The following CACNG2 variants were observed in gnomAD, a reference collection of about 807,000 sequenced individuals.
CACNG2 encodes voltage-dependent calcium channel gamma-2 subunit.
Under a neutral mutation model 25.9 loss-of-function variants are expected in CACNG2, and 3 were observed. The ratio of observed to expected loss-of-function variants is 0.12; its 90% CI spans 0.05 to 0.30. The LOEUF (loss-of-function observed/expected upper bound fraction) is 0.30. CACNG2 is among the 10% of genes least tolerant of loss of function. The pLI is 1.00. For synonymous variants in CACNG2, 167 were observed against 173.3 expected, an observed-to-expected ratio of 0.96 and a Z score of 0.29; for missense variants, 341 against 432.5, an observed-to-expected ratio of 0.79 and a Z score of 1.88.
intron 1 of CACNG2, among the ~76,000 whole-genome samples, chr22:36,628,471 T>C (rs1444482242): frequency 2.0e-5 from 3 of 152,248 alleles, no homozygotes; most frequent in Non-Finnish European, 4.4e-5. Context: ...GGAAAGTTTC[T>C]CTCCGTAGGA....
At chr22:36,595,559 A>T (rs1228194652) in intron 1 of CACNG2, among the ~76,000 whole-genome samples, 1 of 151,646 alleles carries the variant, frequency 6.6e-6, no homozygotes. Context: ...AATTGGTGGG[A>T]TTGGAGATTT....
At chr22:36,642,662 C>T (rs920890043) in intron 1 of CACNG2, among the ~76,000 whole-genome samples, 11 of 152,166 alleles carry the variant, frequency 7.2e-5, no homozygotes, top group Non-Finnish European at 1.2e-4. Context: ...AGTCTCCTGC[C>T]CTGCATCCTC....
At chr22:36,635,383 T>C (rs1936341070) in intron 1 of CACNG2, among the ~76,000 whole-genome samples, 1 of 152,176 alleles carries the variant, frequency 6.6e-6, no homozygotes, top group Admixed American at 6.5e-5. Context: ...AGGTATTCAT[T>C]GCTAACCATG....
intron 1 of CACNG2, among the ~76,000 whole-genome samples, chr22:36,672,161 C>CT (rs1020745659): frequency 2.7e-5 from 4 of 149,346 alleles, no homozygotes; most frequent in African/African-American, 4.9e-5. Flanking sequence ...TTTTTTTTTT[C>CT]TTTTTTTCTT....
intron 3 of CACNG2, among the ~76,000 whole-genome samples, chr22:36,566,106 G>A (rs934547197): frequency 6.6e-6 from 1 of 152,214 alleles, no homozygotes; most frequent in Non-Finnish European, 1.5e-5. Flanking sequence ...CGGGCATTTG[G>A]GCCTTTTCTC....
chr22:36,636,538 CT>C (rs1278778550), intron 1 of CACNG2, among the ~76,000 whole-genome samples: 1 of 152,188 alleles, frequency 6.6e-6, no homozygotes, highest in Non-Finnish European at 1.5e-5. Flanking sequence ...GATATTTTAC[CT>C]TTAAACAACT....
intron 1 of CACNG2, among the ~76,000 whole-genome samples, chr22:36,660,721 C>G (rs919572918): frequency 6.6e-6 from 1 of 152,178 alleles, no homozygotes; most frequent in Non-Finnish European, 1.5e-5. Context: ...TTGAAAGCAC[C>G]CAGGGCTGGG....
chr22:36,632,186 A>T (rs4821516), intron 1 of CACNG2, among the ~76,000 whole-genome samples: 114,897 of 148,668 alleles, frequency 0.77, 44,303 homozygotes, highest in East Asian at 0.84. Flanking sequence ...TTTTTTTTTT[A>T]AAAAAATGAG....
intron 1 of CACNG2, among the ~76,000 whole-genome samples, chr22:36,637,014 G>A (rs137974698): frequency 4.9e-4 from 74 of 152,334 alleles, no homozygotes; most frequent in African/African-American, 1.7e-3. Context: ...AGGACCCAGG[G>A]ATTAACGTCC....
At chr22:36,647,056 G>A (rs1470200198) in intron 1 of CACNG2, among the ~76,000 whole-genome samples, 2 of 152,020 alleles carry the variant, frequency 1.3e-5, no homozygotes, top group East Asian at 1.9e-4. Context: ...GATCAATAAG[G>A]CCAATGATTC....
intron 1 of CACNG2, among the ~76,000 whole-genome samples, chr22:36,661,417 C>T (rs1455531547): frequency 6.6e-6 from 1 of 152,166 alleles, no homozygotes; most frequent in African/African-American, 2.4e-5. Flanking sequence ...TGACATGGGA[C>T]AAATCATCCA....
At chr22:36,676,901 G>A (rs1001616263) in intron 1 of CACNG2, among the ~76,000 whole-genome samples, 18 of 149,112 alleles carry the variant, frequency 1.2e-4, no homozygotes, top group African/African-American at 4.2e-4. Flanking sequence ...CTGCCTGATG[G>A]AGCTTGCCTC....
rs539243656 is a variant in CACNG2 at position 36,576,575 on chromosome 22, T to C, written c.296-10082A>G. On this transcript the variant is annotated intron_variant, in intron 2 of 3. Coordinates refer to ENST00000300105, the MANE Select transcript of CACNG2 (RefSeq NM_006078.5). ...ACTCCAAAATGCCTCTGTGTGTGCG[T>C]GTGTGTGTGTGTGTGTATGTGTGTG... 4.8e-5 allele frequency among the ~76,000 whole-genome samples: 7 copies of C among 146,264 alleles called. No individual in the cohort carries two copies. The East Asian group carries it at 1.4e-3, about 29-fold the overall frequency.
At chr22:36,676,404 T>TACCCAGGATGCAGCTGGCAC (rs1436556138) in intron 1 of CACNG2, among the ~76,000 whole-genome samples, 2 of 152,184 alleles carry the variant, frequency 1.3e-5, no homozygotes, top group Non-Finnish European at 2.9e-5. Context: ...ATCGATGGCG[T>TACCCAGGATGCAGCTGGCAC]ACCCAGGATG....
chr22:36,698,643 G>T (rs2146021081), intron 1 of CACNG2, among the ~76,000 whole-genome samples: 1 of 152,338 alleles, frequency 6.6e-6, no homozygotes, highest in East Asian at 1.9e-4. Flanking sequence ...TGAGCAAGCA[G>T]CCTGGTGGGG....
At position 36,564,532 on chromosome 22, in the gene CACNG2, G is replaced by C. The variant is rs1391288460; in HGVS notation, c.791C>G (p.Pro264Arg). ...PVGIKGFNTL[P>R]STEISMYTLS... Reference sequence around the variant, plus strand: ...CGTGTACATGGAGATCTCCGTGGACGGCAGGGTGTTGAAGCCCTTGATGCC... The same window carrying C: ...CGTGTACATGGAGATCTCCGTGGACCGCAGGGTGTTGAAGCCCTTGATGCC... Residue 264 changes from proline (P) to arginine (R), a missense_variant, in exon 4 of 4, where the codon CCG (proline) becomes CGG (arginine). Transcript: ENST00000300105. This position sits in a 1 kb window ranked among gnomAD's most constrained non-coding sequence, Gnocchi z 6.7. 6.8e-6 allele frequency: 11 copies of C among 1,614,118 alleles called. No homozygotes were observed. The highest frequency in any genetic ancestry group is 8.5e-6 in the Non-Finnish European group (10 of 1,179,986).
At chr22:36,580,998 C>T (rs1215550731) in intron 2 of CACNG2, among the ~76,000 whole-genome samples, 1 of 152,178 alleles carries the variant, frequency 6.6e-6, no homozygotes. Context: ...TGCCCTCATG[C>T]ACAAAGACAG....
chr22:36,572,117 T>C (rs1392077963), intron 2 of CACNG2, among the ~76,000 whole-genome samples: 1 of 152,154 alleles, frequency 6.6e-6, no homozygotes, highest in Non-Finnish European at 1.5e-5. Flanking sequence ...GAACAAATAT[T>C]TACTGGTCTC....
intron 1 of CACNG2, among the ~76,000 whole-genome samples, chr22:36,624,349 C>G (rs1224251743): frequency 6.6e-6 from 1 of 152,144 alleles, no homozygotes; most frequent in Non-Finnish European, 1.5e-5. Flanking sequence ...ACATCTTCCC[C>G]GTCAGTGCCC....
Sources: gnomAD v4.1 joint callset for allele counts (sites outside exome capture counted in the v4.1 genomes callset) on GRCh38, gnomAD v4.1.1 for gene constraint, Gnocchi (gnomAD v3.1) non-coding constraint, MANE v1.5 for transcripts, NCBI Gene and HGNC (gene_info 2026-07-23, HGNC 2026-07-21) for gene names.